The following ANXA7 variants were observed in gnomAD, a reference collection of about 807,000 sequenced individuals.
ANXA7 encodes annexin VII.
Under a neutral mutation model 64.9 loss-of-function variants are expected in ANXA7, and 55 were observed. The ratio of observed to expected loss-of-function variants is 0.85; its 90% CI spans 0.68 to 1.06. The LOEUF is 1.06. Among genes scored for constraint, ANXA7 ranks in the 50% least tolerant of loss-of-function variants. The pLI, the probability that ANXA7 is intolerant of heterozygous loss-of-function variation, is 0.00. For missense variants in ANXA7, 548 were observed against 582.1 expected (o/e 0.94, Z 0.60); for synonymous variants, 200 against 192.4 (o/e 1.04, Z -0.33).
Position 73,383,356 on chromosome 10 carries a change from TGAAGG to T in ANXA7, c.748-16_748-12del, listed in dbSNP as rs371390800. On this transcript the variant is annotated splice_polypyrimidine_tract_variant and intron_variant, in intron 8 of 12. Coordinates refer to ENST00000372921, the MANE Select transcript of ANXA7 (RefSeq NM_001156.5). ...CTGAGTTCCTGCTCCCTACATGAAA[TGAAGG>T]GAAGATTATACAAAGAAAAATGAAA... 30 of 1,598,076 alleles carry T rather than the reference TGAAGG, an allele frequency of 1.9e-5. No individual in the cohort carries two copies. The African/African-American group carries it at 2.8e-4, about 15-fold the overall frequency.
At chr10:73,380,000 G>C (rs966775038) in intron 10 of ANXA7, 31 bp downstream of exon 10, 3 of 1,612,050 alleles carry the variant, frequency 1.9e-6, no homozygotes, top group Non-Finnish European at 1.7e-6. Context: ...TCTTACAGCA[G>C]AAGCCAAATC....
intron 3 of ANXA7, among the ~76,000 whole-genome samples, chr10:73,397,663 G>A (rs1312447674): frequency 2.6e-5 from 4 of 152,068 alleles, no homozygotes; most frequent in African/African-American, 9.7e-5. Context: ...TCACCATGTT[G>A]GCCAAGCTGG....
chr10:73,390,725 T>TATATATAGATATAA (rs1554816965), intron 5 of ANXA7, among the ~76,000 whole-genome samples: 1 of 124,666 alleles, frequency 8.0e-6, no homozygotes, highest in African/African-American at 3.4e-5. Flanking sequence ...TATATAAAAA[T>TATATATAGATATAA]ATATATATAC....
chr10:73,378,128 A>T (rs1460529162), intron 12 of ANXA7, among the ~76,000 whole-genome samples: 1 of 151,816 alleles, frequency 6.6e-6, no homozygotes, highest in Admixed American at 6.6e-5. Flanking sequence ...TGATCCCAGC[A>T]CTTTGGGAGG....
chr10:73,383,246 G>T lies in ANXA7; in HGVS notation c.847C>A (p.Arg283=), dbSNP rs763704857. 23 of 1,614,030 alleles carry T rather than the reference G, an allele frequency of 1.4e-5. No individual in the cohort carries two copies. Among genetic ancestry groups the T allele is most frequent in the Non-Finnish European group, 1.9e-5 (23 of 1,179,992 alleles). ...IVRCYQSEFG[R]DLEKDIRSDT... ...GACCTAATGTCCTTTTCAAGGTCTCGTCCAAATTCTGACTGATAACATCTG... is the reference window on the plus strand; with the variant it reads ...GACCTAATGTCCTTTTCAAGGTCTCTTCCAAATTCTGACTGATAACATCTG... The change falls in exon 9 of 13, where the codon CGA becomes AGA. Residue 283 remains arginine (R), a synonymous_variant. Transcript: ENST00000372921.
chr10:73,401,506 C>CT lies in ANXA7; in HGVS notation c.-1-650dup, dbSNP rs1047702373. Among the ~76,000 whole-genome samples the CT allele has an allele frequency of 3.2e-3, 475 of 147,854 alleles. 1 individual carries two copies. The highest frequency in any genetic ancestry group is 8.8e-3 in the African/African-American group (357 of 40,450). ...CAATACTGAACTATTCTTCTTTTCT[C>CT]TTTTTTTTTTGGAGACGGAGTCTCA... On this transcript the variant is annotated intron_variant, in intron 1 of 12. Coordinates refer to ENST00000372921, the MANE Select transcript of ANXA7 (RefSeq NM_001156.5).
chr10:73,378,032 T>C (rs988275151), intron 12 of ANXA7, among the ~76,000 whole-genome samples: 7 of 149,998 alleles, frequency 4.7e-5, no homozygotes, highest in Non-Finnish European at 8.9e-5. Flanking sequence ...CCTCCCAAAC[T>C]GCTGAGATTA....
chr10:73,381,226 T>C (rs2055269961), intron 9 of ANXA7, among the ~76,000 whole-genome samples: 1 of 152,084 alleles, frequency 6.6e-6, no homozygotes, highest in Non-Finnish European at 1.5e-5. Context: ...TCTTAATATG[T>C]AAGTATTTAC....
intron 5 of ANXA7, among the ~76,000 whole-genome samples, chr10:73,393,970 G>T (rs1364285238): frequency 6.6e-6 from 1 of 152,034 alleles, no homozygotes; most frequent in Non-Finnish European, 1.5e-5. Flanking sequence ...TCTGACAAAC[G>T]GCTAATATCC....
intron 12 of ANXA7, among the ~76,000 whole-genome samples, chr10:73,377,904 CGTGTGTGTGT>C (rs141696096): frequency 3.4e-3 from 405 of 119,372 alleles, no homozygotes; most frequent in African/African-American, 0.011. Context: ...CACGCCCCGG[CGTGTGTGTGT>C]GTGTGTGTGT....
At chr10:73,392,254 C>T (rs971587179) in intron 5 of ANXA7, among the ~76,000 whole-genome samples, 3 of 152,108 alleles carry the variant, frequency 2.0e-5, no homozygotes, top group South Asian at 4.1e-4. Context: ...GATTCACAGC[C>T]GAATTCTACC....
chr10:73,392,771 A>C (rs1020834086), intron 5 of ANXA7, among the ~76,000 whole-genome samples: 23 of 152,306 alleles, frequency 1.5e-4, no homozygotes, highest in Admixed American at 7.8e-4. Context: ...AACTGGAAGC[A>C]TTCCCTTTGA....
chr10:73,397,114 A>G, intron 4 of ANXA7, 50 bp downstream of exon 4: 2 of 1,068,288 alleles, frequency 1.9e-6, no homozygotes, highest in Non-Finnish European at 2.6e-6. Flanking sequence ...TGGTGATTTA[A>G]AAACTCAAAA....
Position 73,378,931 on chromosome 10 carries a change from T to A in ANXA7, c.1258A>T (p.Ile420Phe). ...CTCACCTCACTTCGAGTGACCACAA[T>A]CCGGACCAGGGTGGAGTCATCTGTG... is the stretch of plus-strand genomic sequence containing the variant. ...AGTDDSTLVR[I>F]VVTRSEIDLV... The change falls in exon 12 of 13, where the codon ATT becomes TTT. Residue 420 changes from isoleucine to phenylalanine, a missense_variant. Transcript: ENST00000372921. 1 of 1,613,394 alleles carries A rather than the reference T, an allele frequency of 6.2e-7. No individual in the cohort carries two copies. Among genetic ancestry groups the A allele is most frequent in the Non-Finnish European group, 8.5e-7 (1 of 1,179,650 alleles).
chr10:73,402,346 C>G lies in ANXA7; in HGVS notation c.-1-1489G>C, dbSNP rs756268435. Reference sequence around the variant, plus strand: ...CACCCCGTAGCTGGGACCACAGGTGCGTACCACCATGCCTGGTGAATTTTT... The same window carrying G: ...CACCCCGTAGCTGGGACCACAGGTGGGTACCACCATGCCTGGTGAATTTTT... On this transcript the variant is annotated intron_variant, in intron 1 of 12. Coordinates refer to ENST00000372921, the MANE Select transcript of ANXA7 (RefSeq NM_001156.5). Among the ~76,000 whole-genome samples the G allele has an allele frequency of 1.7e-3, 248 of 146,982 alleles. 4 individuals are homozygous for G. Among genetic ancestry groups the G allele is most frequent in the Non-Finnish European group, 3.0e-4 (20 of 66,410 alleles).
At chr10:73,388,818 A>G (rs16930554) in intron 5 of ANXA7, among the ~76,000 whole-genome samples, 15,935 of 152,256 alleles carry the variant, frequency 0.1, 1,204 homozygotes, top group East Asian at 0.3. Context: ...TAGCACATGA[A>G]TGCCCAGTGA....
chr10:73,409,141 C>T (rs779045765), intron 1 of ANXA7, among the ~76,000 whole-genome samples: 2 of 152,080 alleles, frequency 1.3e-5, no homozygotes, highest in Admixed American at 6.6e-5. Flanking sequence ...CACTCCTATT[C>T]GACATAGTTC....
intron 12 of ANXA7, 47 bp from the exon 13 acceptor site, chr10:73,376,264 G>T: frequency 6.7e-7 from 1 of 1,499,170 alleles, no homozygotes; most frequent in Non-Finnish European, 8.9e-7. Context: ...TGTGACAACT[G>T]ACATTTCTTA....
At chr10:73,380,864 T>G (rs889537379) in intron 9 of ANXA7, among the ~76,000 whole-genome samples, 1 of 152,208 alleles carries the variant, frequency 6.6e-6, no homozygotes, top group African/African-American at 2.4e-5. Flanking sequence ...GTTCTACTTT[T>G]TATTCATTCA....
Sources: allele counts gnomAD v4.1 joint callset (sites outside exome capture counted in the v4.1 genomes callset), GRCh38; gene constraint gnomAD v4.1.1; transcripts MANE v1.5; gene names NCBI Gene and HGNC (gene_info 2026-07-23, HGNC 2026-07-21).